Variants in DYSF observed in about 807,000 individuals in gnomAD.
The protein encoded by DYSF is dysferlin.
DYSF carries 212 observed loss-of-function variants against 274.9 expected under a neutral mutation model. The ratio of observed to expected loss-of-function variants is 0.77; its 90% CI spans 0.69 to 0.86. The LOEUF is 0.86. Among genes scored for constraint, DYSF ranks in the 40% least tolerant of loss-of-function variants. DYSF has a pLI of 0.00. For synonymous variants in DYSF, 1,091 were observed against 1,078.7 expected (o/e 1.01, Z -0.22); for missense variants, 2,666 against 2,783.2 (o/e 0.96, Z 0.95).
rs3791825 is a variant in DYSF, at chr2:71,661,971, A to G, written c.5003+1320A>G. 0.88 allele frequency among the ~76,000 whole-genome samples: 134,335 copies of G among 152,146 alleles called. 59,634 individuals carry two copies. Among genetic ancestry groups the G allele is most frequent in the African/African-American group, 0.97 (40,338 of 41,530 alleles). ...GGCGAGCTCCAGGGGCTGGCGCAGG[A>G]CCTCAGGCTAATGCTGATGGGGCAG... On this transcript the variant is annotated intron_variant, in intron 45 of 55. Transcript: ENST00000410020.
In DYSF at chr2:71,682,693, G is replaced by A. The variant is rs762372003; in HGVS notation, c.6321+16G>A. ...CGCCTTCCCGGTGAGCAGGCCTGAC[G>A]ACACTGTGGTGGGGGAACTCTGGGT... On this transcript the variant is annotated intron_variant, in intron 55 of 55. Coordinates refer to ENST00000410020, the MANE Select transcript of DYSF (RefSeq NM_001130987.2). 9 of 1,611,380 alleles carry A rather than the reference G, an allele frequency of 5.6e-6. No homozygotes were observed. In the East Asian group the frequency reaches 8.9e-5, roughly 16 times the overall value.
At position 71,568,347 on chromosome 2, in the gene DYSF, TGGGCA is replaced by T. The variant is rs772636610; in HGVS notation, c.2864+13_2864+17del. 1 of 1,613,588 alleles carries T rather than the reference TGGGCA, an allele frequency of 6.2e-7. No homozygotes were observed. Among genetic ancestry groups the T allele is most frequent in the African/African-American group, 1.3e-5 (1 of 74,932 alleles). On this transcript the variant is annotated intron_variant, in intron 26 of 55. Coordinates refer to ENST00000410020, the MANE Select transcript of DYSF (RefSeq NM_001130987.2). ...GTGTGTCCGGAGAAGACGTGAGTCG[TGGGCA>T]GGGAGGGCTGGGGAGAGCCAGGCCA...
At chr2:71,607,650 TG>T (rs1201794193) in intron 36 of DYSF, among the ~76,000 whole-genome samples, 2 of 151,876 alleles carry the variant, frequency 1.3e-5, no homozygotes, top group East Asian at 3.9e-4. Context: ...AGGAGATGGG[TG>T]GGCGGGCGTG....
At chr2:71,606,406 A>C (rs4852814) in intron 36 of DYSF, among the ~76,000 whole-genome samples, 146,911 of 152,162 alleles carry the variant, frequency 0.97, 70,980 homozygotes, top group African/African-American at 0.99. Context: ...TCCTCCATCA[A>C]CCCTAGGACA....
In DYSF at chr2:71,671,140, C is replaced by G. The variant is rs3791831; in HGVS notation, c.5784+1394C>G. ...GCACATTAGAGAAAGCAAAATGTTCCGCGGAACATTCTGAAACCATGAAAC... is the reference window on the plus strand; with the variant it reads ...GCACATTAGAGAAAGCAAAATGTTCGGCGGAACATTCTGAAACCATGAAAC... On this transcript the variant is annotated intron_variant, in intron 51 of 55. Coordinates refer to ENST00000410020, the MANE Select transcript of DYSF (RefSeq NM_001130987.2). Among the ~76,000 whole-genome samples, 116 of 152,260 alleles carry G rather than the reference C, an allele frequency of 7.6e-4. 2 individuals are homozygous for G. The East Asian group carries it at 0.013, about 17-fold the overall frequency.
At chr2:71,640,752 T>C (rs1191836982) in intron 41 of DYSF, among the ~76,000 whole-genome samples, 3 of 151,880 alleles carry the variant, frequency 2.0e-5, no homozygotes, top group African/African-American at 7.3e-5. Context: ...TGTGTGTGTG[T>C]GTGTGTGTGT....
intron 42 of DYSF, among the ~76,000 whole-genome samples, chr2:71,652,824 C>G (rs1479692112): frequency 6.6e-6 from 1 of 152,114 alleles, no homozygotes; most frequent in East Asian, 1.9e-4. Context: ...AGATCACAAA[C>G]AAACAAAAGG....
chr2:71,552,892 C>T, intron 19 of DYSF, 119 bp from the exon 20 acceptor site: 1 of 1,019,964 alleles, frequency 9.8e-7, no homozygotes, highest in Non-Finnish European at 1.5e-6. Flanking sequence ...CCCGTCAGTC[C>T]AGCCAGGAGC....
intron 16 of DYSF, among the ~76,000 whole-genome samples, chr2:71,538,847 CT>C (rs573716257): frequency 5.9e-5 from 9 of 152,222 alleles, no homozygotes; most frequent in Admixed American, 1.3e-4. Flanking sequence ...CTCTGGCCTC[CT>C]CCCTGTCAGC....
upstream of DYSF, among the ~76,000 whole-genome samples, chr2:71,465,894 C>T (rs1289406648): frequency 6.6e-6 from 1 of 152,198 alleles, no homozygotes; most frequent in Non-Finnish European, 1.5e-5. Flanking sequence ...GAACAGCTTT[C>T]CACTGTGGAG....
intron 2 of DYSF, among the ~76,000 whole-genome samples, chr2:71,481,610 G>A (rs1477072076): frequency 6.6e-6 from 1 of 152,246 alleles, no homozygotes; most frequent in East Asian, 1.9e-4. Flanking sequence ...GTTGGGAGAG[G>A]GGCCTGTGAA....
At position 71,664,407 on chromosome 2, in the gene DYSF, G is replaced by A; in HGVS notation, c.5143G>A (p.Ala1715Thr). ...GAACAGGCTGCTGTCCAAGTTTGGG[G>A]CTCGCTGTGGACTCCCACAGACCTA... ...LENRLLSKFG[A>T]RCGLPQTYCV... The change falls in exon 46 of 56, where the codon GCT becomes ACT. Residue 1715 changes from alanine to threonine, a missense_variant. Physicochemically the swap from Ala to Thr is moderately conservative, Grantham distance 58 (BLOSUM62 0). This residue lies in a region of DYSF where 1,460 missense variants were observed against 1,502.1 expected (regional missense o/e 0.97). Transcript: ENST00000410020. The A allele has an allele frequency of 6.2e-7, 1 of 1,614,198 alleles. No individual in the cohort carries two copies. Among genetic ancestry groups the A allele is most frequent in the South Asian group, 1.1e-5 (1 of 91,080 alleles).
intron 42 of DYSF, among the ~76,000 whole-genome samples, chr2:71,644,793 A>G (rs1003076961): frequency 1.3e-5 from 2 of 152,264 alleles, no homozygotes; most frequent in African/African-American, 4.8e-5. Flanking sequence ...TAGGGTTGCC[A>G]GTTAAAATTC....
At chr2:71,669,546 T>C (rs933823385) in intron 50 of DYSF, 59 bp from the exon 51 acceptor site, 62 of 1,605,222 alleles carry the variant, frequency 3.9e-5, no homozygotes, top group Non-Finnish European at 4.6e-5. Flanking sequence ...AAGTTGACGA[T>C]GTATATACTG....
At chr2:71,608,136 CG>C (rs1419962626) in intron 36 of DYSF, among the ~76,000 whole-genome samples, 1 of 151,738 alleles carries the variant, frequency 6.6e-6, no homozygotes, top group Admixed American at 6.6e-5. Flanking sequence ...GACAAATTTC[CG>C]GGGAGGGGTG....
intron 42 of DYSF, among the ~76,000 whole-genome samples, chr2:71,654,765 T>C (rs920082356): frequency 5.3e-5 from 8 of 151,892 alleles, no homozygotes; most frequent in African/African-American, 1.9e-4. Context: ...AAGATTTTCA[T>C]GGTACATCAT....
At chr2:71,535,222 T>A in intron 15 of DYSF, 46 bp from the exon 16 acceptor site, 1 of 1,607,906 alleles carries the variant, frequency 6.2e-7, no homozygotes, top group Non-Finnish European at 8.5e-7. Context: ...GGCTGTTCTA[T>A]CTTCAAAAGG....
chr2:71,580,290 C>T (rs2092845468), intron 30 of DYSF, among the ~76,000 whole-genome samples: 1 of 152,266 alleles, frequency 6.6e-6, no homozygotes, highest in Admixed American at 6.5e-5. Context: ...TGGTGGAGGC[C>T]AGCATCCCGA....
At chr2:71,673,843 A>T (rs180690763) in intron 51 of DYSF, among the ~76,000 whole-genome samples, 37 of 152,140 alleles carry the variant, frequency 2.4e-4, no homozygotes, top group African/African-American at 8.5e-4. Context: ...CATAGGAAGC[A>T]CTATATTAAT....
Sources: allele counts gnomAD v4.1 joint callset (sites outside exome capture counted in the v4.1 genomes callset), GRCh38; gene constraint gnomAD v4.1.1; regional missense constraint gnomAD v4.1.1; transcripts MANE v1.5; gene names NCBI Gene and HGNC (gene_info 2026-07-23, HGNC 2026-07-21).